PARD3: variants seen among roughly 807,000 people sequenced by gnomAD.
The protein encoded by PARD3 is par-3 family cell polarity regulator.
In PARD3, 75 loss-of-function variants were observed where a neutral mutation model predicts 155.4. The ratio of observed to expected loss-of-function variants is 0.48; its 90% CI spans 0.40 to 0.58. The LOEUF is 0.58. Ranked by LOEUF, PARD3 falls within the 20% of genes least tolerant of loss-of-function variation. The pLI, the probability that PARD3 is intolerant of heterozygous loss-of-function variation, is 0.00. For missense variants in PARD3, 1,642 were observed against 1,721.7 expected (o/e 0.95, Z 0.82); for synonymous variants, 576 against 610.5 (o/e 0.94, Z 0.83).
At chr10:34,322,223 T>C (rs1221256259) in intron 19 of PARD3, among the ~76,000 whole-genome samples, 1 of 152,108 alleles carries the variant, frequency 6.6e-6, no homozygotes, top group African/African-American at 2.4e-5. Flanking sequence ...TTCCCTTCTG[T>C]TAGACAGCAA....
intron 1 of PARD3, among the ~76,000 whole-genome samples, chr10:34,788,348 T>C (rs1277872658): frequency 1.3e-5 from 2 of 152,162 alleles, no homozygotes; most frequent in South Asian, 4.1e-4. Context: ...CTCTGCTCCA[T>C]TAACATGGAC....
chr10:34,374,822 A>G lies in PARD3; in HGVS notation c.1668+52T>C, dbSNP rs1428508964. On this transcript the variant is annotated intron_variant, in intron 11 of 24. Coordinates refer to ENST00000374788, the MANE Select transcript of PARD3 (RefSeq NM_001184785.2). Reference sequence around the variant, plus strand: ...ATTTGCCATCAGGCAACTAACCCAGACCCCTGGCTGCTGCATATCAGAAAT... The same window carrying G: ...ATTTGCCATCAGGCAACTAACCCAGGCCCCTGGCTGCTGCATATCAGAAAT... 3.2e-6 allele frequency: 5 copies of G among 1,580,534 alleles called. No homozygotes were observed. In the East Asian group the frequency reaches 1.1e-4, roughly 35 times the overall value.
chr10:34,262,951 T>C (rs1473786535), intron 22 of PARD3, among the ~76,000 whole-genome samples: 4 of 152,180 alleles, frequency 2.6e-5, no homozygotes, highest in African/African-American at 9.7e-5. Flanking sequence ...ACTCCTAATT[T>C]AAAGGGAAAC....
At chr10:34,407,539 T>C (rs1844619377) in intron 5 of PARD3, among the ~76,000 whole-genome samples, 1 of 152,204 alleles carries the variant, frequency 6.6e-6, no homozygotes. Flanking sequence ...CTCAGATATT[T>C]ATAGTTTTTC....
intron 22 of PARD3, among the ~76,000 whole-genome samples, chr10:34,262,684 T>C (rs1370906360): frequency 2.0e-5 from 3 of 152,228 alleles, no homozygotes; most frequent in Admixed American, 6.5e-5. Flanking sequence ...CCTATTTCCA[T>C]GGAGTATTGC....
At chr10:34,650,481 G>A (rs562900676) in intron 2 of PARD3, among the ~76,000 whole-genome samples, 1 of 152,216 alleles carries the variant, frequency 6.6e-6, no homozygotes. Flanking sequence ...GTGGGGTGAC[G>A]AATAGGGTGT....
intron 24 of PARD3, among the ~76,000 whole-genome samples, chr10:34,119,108 T>G (rs1431390521): frequency 6.6e-6 from 1 of 152,134 alleles, no homozygotes; most frequent in Non-Finnish European, 1.5e-5. Flanking sequence ...CCCTCTAAAG[T>G]TAAACATGGG....
chr10:34,803,698 G>T (rs897340770), intron 1 of PARD3, among the ~76,000 whole-genome samples: 1 of 152,056 alleles, frequency 6.6e-6, no homozygotes, highest in Non-Finnish European at 1.5e-5. Context: ...AGCTACTTGG[G>T]AGGCTGAGGT....
intron 2 of PARD3, among the ~76,000 whole-genome samples, chr10:34,569,249 G>A (rs2134135006): frequency 6.6e-6 from 1 of 152,206 alleles, no homozygotes; most frequent in South Asian, 2.1e-4. Flanking sequence ...AGAATAATGA[G>A]GGTTTGGGGA....
rs1006976053 is a variant in PARD3, at chr10:34,109,595, A to T, written c.*1574T>A. ...AAATATGCCTTTTATTAGGAGTTGCATATGTACAGAGAAAGCTGTTTCTCA... is the reference window on the plus strand; with the variant it reads ...AAATATGCCTTTTATTAGGAGTTGCTTATGTACAGAGAAAGCTGTTTCTCA... On this transcript the variant is annotated 3_prime_UTR_variant, in exon 25 of 25. Transcript: ENST00000374788. The T allele has an allele frequency of 1.3e-5, 2 of 152,130 alleles. No homozygotes were observed. Among genetic ancestry groups the T allele is most frequent in the Admixed American group, 1.3e-4 (2 of 15,276 alleles). 9.4% of individuals were successfully genotyped at this position (152,130 alleles called of 1,614,324 possible). A position where few individuals can be genotyped will look rare whatever the true frequency, so the allele number is the denominator to read the frequency against.
At chr10:34,553,176 A>T (rs2084726878) in intron 2 of PARD3, among the ~76,000 whole-genome samples, 1 of 152,196 alleles carries the variant, frequency 6.6e-6, no homozygotes, top group Non-Finnish European at 1.5e-5. Flanking sequence ...GTCAGCAGCC[A>T]GGTTCAGAGT....
intron 20 of PARD3, among the ~76,000 whole-genome samples, chr10:34,309,547 C>CA (rs1323865538): frequency 8.6e-5 from 4 of 46,648 alleles, no homozygotes; most frequent in East Asian, 7.5e-4. Flanking sequence ...GACCCTGTCT[C>CA]CAAAAAAAAA....
At chr10:34,357,092 T>C (rs530854146) in intron 14 of PARD3, among the ~76,000 whole-genome samples, 1 of 152,290 alleles carries the variant, frequency 6.6e-6, no homozygotes, top group Admixed American at 6.5e-5. Flanking sequence ...TTCACATCTC[T>C]TACAGGGAAT....
chr10:34,289,812 C>A (rs902653439), intron 20 of PARD3, among the ~76,000 whole-genome samples: 1 of 152,186 alleles, frequency 6.6e-6, no homozygotes, highest in East Asian at 1.9e-4. Context: ...TAATGCGTTA[C>A]AAATGAGATC....
chr10:34,696,283 G>T, intron 2 of PARD3, 35 bp downstream of exon 2: 2 of 1,138,764 alleles, frequency 1.8e-6, no homozygotes, highest in Non-Finnish European at 2.6e-6. Flanking sequence ...AAAAAAAAAT[G>T]CATTCAGAAC....
chr10:34,369,413 A>T (rs532598870), intron 12 of PARD3, among the ~76,000 whole-genome samples: 1 of 152,014 alleles, frequency 6.6e-6, no homozygotes, highest in Admixed American at 6.5e-5. Context: ...TTCTTCTTCC[A>T]GTGTGGCCCA....
In PARD3 at chr10:34,331,153, G is replaced by T; in HGVS notation, c.2797C>A (p.Pro933Thr). 1 of 1,613,836 alleles carries T rather than the reference G, an allele frequency of 6.2e-7. No individual in the cohort carries two copies. Among genetic ancestry groups the T allele is most frequent in the Non-Finnish European group, 8.5e-7 (1 of 1,179,876 alleles). ...CCTTCATCATCATCATCTACCGCGG[G>T]TTTATCATAAGATTTGTCGATGGCA... The part of the protein sequence containing the change: ...RAAIDKSYDK[P>T]AVDDDDEGME... The change falls in exon 19 of 25, where the codon CCC becomes ACC. Residue 933 changes from proline to threonine, a missense_variant. Transcript: ENST00000374788.
intron 22 of PARD3, among the ~76,000 whole-genome samples, chr10:34,250,247 G>A (rs1371731167): frequency 6.6e-6 from 1 of 151,938 alleles, no homozygotes; most frequent in Non-Finnish European, 1.5e-5. Flanking sequence ...GCAGCCTTCT[G>A]AATGCTGGAA....
At chr10:34,623,850 G>A (rs540169094) in intron 2 of PARD3, among the ~76,000 whole-genome samples, 9 of 150,054 alleles carry the variant, frequency 6.0e-5, no homozygotes, top group Non-Finnish European at 7.5e-5. Flanking sequence ...GCATGGTGGC[G>A]CGCACCTGTA....
Sources: gnomAD v4.1 joint callset for allele counts (sites outside exome capture counted in the v4.1 genomes callset) on GRCh38, gnomAD v4.1.1 for gene constraint, MANE v1.5 for transcripts, NCBI Gene and HGNC (gene_info 2026-07-23, HGNC 2026-07-21) for gene names.